BANK1: variants seen among roughly 807,000 people sequenced by gnomAD.
BANK1 encodes B-cell scaffold protein with ankyrin repeats.
Under a neutral mutation model 94.5 loss-of-function variants are expected in BANK1, and 95 were observed. The ratio of observed to expected loss-of-function variants is 1.00; its 90% confidence interval spans 0.85 to 1.19. BANK1 has a LOEUF of 1.19. Among genes scored for constraint, BANK1 ranks in the 50% most tolerant of loss-of-function variants. BANK1 has a pLI of 0.00. For synonymous variants in BANK1, 334 were observed against 308.4 expected, an observed-to-expected ratio of 1.08 and a Z score of -0.87; for missense variants, 987 against 932.2, an observed-to-expected ratio of 1.06 and a Z score of -0.77.
Position 102,058,836 on chromosome 4 carries a change from A to C in BANK1, c.1970-1375A>C, listed in dbSNP as rs539984862. ...AAAAAAAAATAATAATAATAAAAATAAAGAAGAAAGAAAGAAAGCCCCCGT... is the reference window on the plus strand; with the variant it reads ...AAAAAAAAATAATAATAATAAAAATCAAGAAGAAAGAAAGAAAGCCCCCGT... On this transcript the variant is annotated intron_variant, in intron 11 of 16. Coordinates refer to ENST00000322953, the MANE Select transcript of BANK1 (RefSeq NM_017935.5). 1.9e-4 allele frequency among the ~76,000 whole-genome samples: 29 copies of C among 151,980 alleles called. 1 individual carries two copies. In the South Asian group the frequency reaches 6.0e-3, roughly 32 times the overall value.
intron 7 of BANK1, among the ~76,000 whole-genome samples, chr4:101,957,181 T>A (rs1279294134): frequency 6.6e-6 from 1 of 152,212 alleles, no homozygotes; most frequent in Non-Finnish European, 1.5e-5. Flanking sequence ...GTCTAAGCTA[T>A]ATCTCTGCAT....
In BANK1 at chr4:101,810,098, C is replaced by T. The variant is rs940393539; in HGVS notation, c.70+19148C>T. On this transcript the variant is annotated intron_variant, in intron 1 of 16. Coordinates refer to ENST00000322953, the MANE Select transcript of BANK1 (RefSeq NM_017935.5). ...AATGGCAGCATGAGAAGGACTTGGC[C>T]CAGTATCACTGGCTTGAAGCTGGAG... is the stretch of plus-strand genomic sequence containing the variant. 2.6e-5 allele frequency among the ~76,000 whole-genome samples: 4 copies of T among 152,204 alleles called. No individual in the cohort carries two copies. The South Asian group carries it at 8.3e-4, about 32-fold the overall frequency.
chr4:101,944,008 ATG>A (rs1200754912), intron 7 of BANK1, among the ~76,000 whole-genome samples: 1 of 146,930 alleles, frequency 6.8e-6, no homozygotes, highest in Non-Finnish European at 1.5e-5. Flanking sequence ...TAACCAGTAA[ATG>A]TGTGTGTGTG....
intron 6 of BANK1, among the ~76,000 whole-genome samples, chr4:101,896,454 G>A (rs894420377): frequency 2.6e-5 from 4 of 151,968 alleles, no homozygotes; most frequent in Non-Finnish European, 5.9e-5. Context: ...GAATCCTAAG[G>A]CACAACTGCT....
chr4:101,850,349 G>A (rs1450944927), intron 2 of BANK1, among the ~76,000 whole-genome samples: 1 of 152,046 alleles, frequency 6.6e-6, no homozygotes, highest in East Asian at 1.9e-4. Context: ...TAGGCTCACT[G>A]CAACCTCTGC....
intron 1 of BANK1, among the ~76,000 whole-genome samples, chr4:101,798,915 T>C: frequency 6.6e-6 from 1 of 152,344 alleles, no homozygotes; most frequent in East Asian, 1.9e-4. Flanking sequence ...GTAGGTTGCC[T>C]GTTCACTCTG....
intron 6 of BANK1, among the ~76,000 whole-genome samples, chr4:101,914,314 C>G (rs1722758230): frequency 6.6e-6 from 1 of 152,090 alleles, no homozygotes; most frequent in Non-Finnish European, 1.5e-5. Flanking sequence ...TCCCCCAGCT[C>G]CACAGCTTTT....
intron 1 of BANK1, among the ~76,000 whole-genome samples, chr4:101,822,009 T>C (rs1726170911): frequency 6.6e-6 from 1 of 152,104 alleles, no homozygotes; most frequent in Admixed American, 6.6e-5. Flanking sequence ...GGGGGAATCA[T>C]AGAAAATAAT....
intron 2 of BANK1, among the ~76,000 whole-genome samples, chr4:101,847,223 G>A (rs933876957): frequency 6.6e-6 from 1 of 151,042 alleles, no homozygotes; most frequent in Non-Finnish European, 1.5e-5. Context: ...GTGTGTGTGT[G>A]TGTGTGTGTG....
At chr4:101,983,966 C>CCAAT (rs1307695966) in intron 7 of BANK1, among the ~76,000 whole-genome samples, 1 of 151,776 alleles carries the variant, frequency 6.6e-6, no homozygotes, top group East Asian at 1.9e-4. Context: ...AATTCCAGAG[C>CCAAT]CAATCATAAT....
chr4:101,976,802 G>T (rs1295508755), intron 7 of BANK1: 5 of 152,024 alleles, frequency 3.3e-5, no homozygotes, highest in Admixed American at 2.0e-4. Flanking sequence ...GTCAAAACAG[G>T]CATGTCATGT....
At chr4:101,993,652 C>G (rs1406022368) in intron 7 of BANK1, among the ~76,000 whole-genome samples, 1 of 152,068 alleles carries the variant, frequency 6.6e-6, no homozygotes, top group Admixed American at 6.6e-5. Context: ...AAATTGTAGC[C>G]ACTGATAATC....
At chr4:101,926,285 T>C (rs776305569) in intron 7 of BANK1, among the ~76,000 whole-genome samples, 8 of 151,712 alleles carry the variant, frequency 5.3e-5, no homozygotes, top group Admixed American at 1.3e-4. Context: ...ATTTTTTTCA[T>C]TTCTCCTTAT....
chr4:102,006,381 T>G (rs942901060), intron 7 of BANK1, among the ~76,000 whole-genome samples: 1 of 151,992 alleles, frequency 6.6e-6, no homozygotes, highest in Non-Finnish European at 1.5e-5. Context: ...TAATTGGTTT[T>G]GAGTGGGGCT....
intron 5 of BANK1, among the ~76,000 whole-genome samples, chr4:101,876,143 A>G (rs13142517): frequency 0.35 from 52,475 of 152,036 alleles, 9,376 homozygotes; most frequent in African/African-American, 0.39. Flanking sequence ...GGCAGCATTC[A>G]TCACCTGCTA....
At chr4:102,071,605 G>A (rs527600047) in intron 14 of BANK1, among the ~76,000 whole-genome samples, 3 of 152,210 alleles carry the variant, frequency 2.0e-5, no homozygotes, top group South Asian at 2.1e-4. Flanking sequence ...TGTGGGCCTC[G>A]GTTTTCTCAT....
chr4:101,931,949 AGTT>A (rs998186923), intron 7 of BANK1, among the ~76,000 whole-genome samples: 1 of 151,516 alleles, frequency 6.6e-6, no homozygotes, highest in Admixed American at 6.6e-5. Flanking sequence ...AACTAACTAA[AGTT>A]GTTTTAGGAA....
chr4:101,838,884 G>A (rs1475117558), intron 2 of BANK1, among the ~76,000 whole-genome samples: 5 of 152,130 alleles, frequency 3.3e-5, no homozygotes, highest in Admixed American at 1.3e-4. Context: ...TTGTTCACAC[G>A]TATTTATGCT....
intron 7 of BANK1, among the ~76,000 whole-genome samples, chr4:101,960,434 A>G (rs191372130): frequency 1.3e-5 from 2 of 152,124 alleles, no homozygotes; most frequent in East Asian, 3.9e-4. Flanking sequence ...TAGAAGTCAC[A>G]ATGAATTCTT....
Sources: gnomAD v4.1 joint callset for allele counts (sites outside exome capture counted in the v4.1 genomes callset) on GRCh38, gnomAD v4.1.1 for gene constraint, MANE v1.5 for transcripts, NCBI Gene and HGNC (gene_info 2026-07-23, HGNC 2026-07-21) for gene names.